Variants in SND1 observed in about 807,000 individuals in gnomAD.
SND1 encodes the protein staphylococcal nuclease domain-containing protein 1.
SND1 carries 38 observed loss-of-function variants against 121.7 expected under a neutral mutation model. The observed-to-expected ratio is 0.31, with a 90% CI of 0.24 to 0.41. SND1 has a LOEUF of 0.41. Among genes scored for constraint, SND1 ranks in the 10% least tolerant of loss-of-function variants. The probability of loss-of-function intolerance (pLI) is 1.00; values close to 1 mark genes in which losing one functional copy is unlikely to be tolerated. For synonymous variants in SND1, 401 were observed against 447.4 expected (o/e 0.90, Z 1.31); for missense variants, 868 against 1,184.6 (o/e 0.73, Z 3.92).
chr7:128,083,290 A>G (rs1169015785), intron 18 of SND1, among the ~76,000 whole-genome samples: 1 of 151,962 alleles, frequency 6.6e-6, no homozygotes, highest in Non-Finnish European at 1.5e-5. Context: ...GCCTTGGAGC[A>G]AAAAAAATGA....
At chr7:127,798,962 A>G (rs1584581615) in intron 10 of SND1, among the ~76,000 whole-genome samples, 2 of 149,100 alleles carry the variant, frequency 1.3e-5, no homozygotes, top group Admixed American at 6.6e-5. Flanking sequence ...TGGAAGGATC[A>G]TGTGAGCCTG....
At chr7:127,852,547 C>G (rs1366366307) in intron 12 of SND1, among the ~76,000 whole-genome samples, 1 of 151,276 alleles carries the variant, frequency 6.6e-6, no homozygotes, top group Non-Finnish European at 1.5e-5. Flanking sequence ...CAGTGGCTCA[C>G]GCCTGTAATC....
intron 16 of SND1, among the ~76,000 whole-genome samples, chr7:128,049,760 A>T (rs1351945090): frequency 6.6e-6 from 1 of 152,194 alleles, no homozygotes; most frequent in African/African-American, 2.4e-5. Context: ...TGATAATATT[A>T]TGAAGAATTA....
Position 127,766,823 on chromosome 7 carries a change from G to A in SND1, c.1153-40661G>A, listed in dbSNP as rs139122958. Among the ~76,000 whole-genome samples, 21 of 127,816 alleles carry A rather than the reference G, an allele frequency of 1.6e-4. No homozygotes were observed. In the East Asian group the frequency reaches 2.7e-3, roughly 17 times the overall value. 83.9% of individuals were successfully genotyped at this position (127,816 alleles called of 152,430 possible). On this transcript the variant is annotated intron_variant, in intron 10 of 23. Transcript: ENST00000354725. ...AAAATAGTTTTTTTCTTATCTTACC[G>A]TCTCCCAGAATTGCTATTGCCAAAA...
chr7:127,833,038 G>A (rs866616237), intron 11 of SND1, among the ~76,000 whole-genome samples: 6 of 152,278 alleles, frequency 3.9e-5, no homozygotes, highest in Middle Eastern at 6.8e-3. Context: ...GGTGCCAAAA[G>A]GGTTGGGGAC....
chr7:127,738,219 A>G (rs914491832), intron 10 of SND1, among the ~76,000 whole-genome samples: 1 of 150,548 alleles, frequency 6.6e-6, no homozygotes, highest in Non-Finnish European at 1.5e-5. Context: ...GATTACTCCT[A>G]GTGCATTCTC....
At chr7:127,928,239 C>G (rs1165519988) in intron 14 of SND1, 1 of 152,154 alleles carries the variant, frequency 6.6e-6, no homozygotes, top group South Asian at 2.1e-4. Flanking sequence ...TATAATGATT[C>G]CTGCTGACAT....
At chr7:127,928,881 G>A (rs1800904594) in intron 14 of SND1, among the ~76,000 whole-genome samples, 1 of 152,186 alleles carries the variant, frequency 6.6e-6, no homozygotes, top group Non-Finnish European at 1.5e-5. Context: ...GTGAGCCACT[G>A]CGCCTGGCAC....
chr7:127,948,400 T>C (rs1017531957), intron 15 of SND1, among the ~76,000 whole-genome samples: 3 of 152,188 alleles, frequency 2.0e-5, no homozygotes, highest in Non-Finnish European at 4.4e-5. Flanking sequence ...ACATTTTGAG[T>C]TTGAAATCAA....
intron 10 of SND1, among the ~76,000 whole-genome samples, chr7:127,780,593 C>T (rs1437417849): frequency 6.6e-6 from 1 of 152,174 alleles, no homozygotes; most frequent in African/African-American, 2.4e-5. Context: ...CCTGCCTCTT[C>T]AAAGAGAGCT....
intron 8 of SND1, among the ~76,000 whole-genome samples, chr7:127,706,424 T>A (rs573098708): frequency 6.6e-6 from 1 of 151,266 alleles, no homozygotes; most frequent in East Asian, 1.9e-4. Flanking sequence ...ACCTGGCTAA[T>A]TTTTTTTTGT....
chr7:127,801,772 T>C (rs1470926487), intron 10 of SND1, among the ~76,000 whole-genome samples: 1 of 152,198 alleles, frequency 6.6e-6, no homozygotes, highest in Admixed American at 6.5e-5. Flanking sequence ...GAAAGGACTG[T>C]ATATACACTT....
intron 10 of SND1, among the ~76,000 whole-genome samples, chr7:127,727,852 G>A (rs1356289429): frequency 6.6e-6 from 1 of 152,128 alleles, no homozygotes; most frequent in Non-Finnish European, 1.5e-5. Flanking sequence ...ATTACTATTA[G>A]AAGACTGTGG....
chr7:127,904,002 A>C (rs1247088060), intron 13 of SND1, among the ~76,000 whole-genome samples: 2 of 152,222 alleles, frequency 1.3e-5, no homozygotes, highest in East Asian at 3.8e-4. Context: ...GTACAGACCA[A>C]GTAATTCACC....
Position 127,698,972 on chromosome 7 carries a change from G to C in SND1, c.428+19G>C. 6.3e-7 allele frequency: 1 copy of C among 1,597,586 alleles called. No homozygotes were observed. The highest frequency in any genetic ancestry group is 8.6e-7 in the Non-Finnish European group (1 of 1,165,566). ...CTAATAAGTAAGTATTCATTACTCC[G>C]CTGTCTCTCTGACAGCGGTAAATTG... On this transcript the variant is annotated intron_variant, in intron 4 of 23. Coordinates refer to ENST00000354725, the MANE Select transcript of SND1 (RefSeq NM_014390.4).
At chr7:127,668,044 C>T (rs902253059) in intron 1 of SND1, among the ~76,000 whole-genome samples, 1 of 152,012 alleles carries the variant, frequency 6.6e-6, no homozygotes, top group African/African-American at 2.4e-5. Flanking sequence ...TCAATAGAAA[C>T]AAAAGAAAAA....
chr7:127,794,660 C>T (rs1797980438), intron 10 of SND1, among the ~76,000 whole-genome samples: 2 of 152,154 alleles, frequency 1.3e-5, no homozygotes, highest in Non-Finnish European at 2.9e-5. Flanking sequence ...CTTTTCCCCT[C>T]TTCTGTAACT....
At chr7:127,751,866 C>T (rs1242029001) in intron 10 of SND1, among the ~76,000 whole-genome samples, 1 of 152,234 alleles carries the variant, frequency 6.6e-6, no homozygotes, top group Non-Finnish European at 1.5e-5. Flanking sequence ...GGTCTGCAGC[C>T]GGAGCTCTTA....
At chr7:128,032,817 C>T (rs1368510871) in intron 16 of SND1, among the ~76,000 whole-genome samples, 1 of 152,194 alleles carries the variant, frequency 6.6e-6, no homozygotes, top group Non-Finnish European at 1.5e-5. Flanking sequence ...CTCACCCCTC[C>T]TGTGCTCTCA....
Sources: allele counts gnomAD v4.1 joint callset (sites outside exome capture counted in the v4.1 genomes callset), GRCh38; gene constraint gnomAD v4.1.1; transcripts MANE v1.5; gene names NCBI Gene and HGNC (gene_info 2026-07-23, HGNC 2026-07-21).